The following DNER variants were observed in gnomAD, a reference collection of about 807,000 sequenced individuals.
DNER encodes delta/notch like EGF repeat containing, also known as delta and Notch-like epidermal growth factor-related receptor.
DNER carries 33 observed loss-of-function variants against 78.2 expected under a neutral mutation model. The observed-to-expected ratio is 0.42, with a 90% CI of 0.32 to 0.56. The LOEUF is 0.56. Among genes scored for constraint, DNER ranks in the 20% least tolerant of loss-of-function variants. The probability of loss-of-function intolerance (pLI) is 0.11; values close to 1 mark genes in which losing one functional copy is unlikely to be tolerated. For synonymous variants in DNER, 417 were observed against 384.8 expected (o/e 1.08, Z -0.98); for missense variants, 918 against 975.3 (o/e 0.94, Z 0.78).
chr2:229,458,679 G>A (rs1005534862), intron 7 of DNER, among the ~76,000 whole-genome samples: 1 of 151,556 alleles, frequency 6.6e-6, no homozygotes, highest in South Asian at 2.1e-4. Context: ...ACTCAATGAT[G>A]AAATAATAAA....
rs140542443 is a variant in DNER, at chr2:229,483,911, G to C, written c.1148-6658C>G. ...CCAGAAGGTGACCCATGGGAGTAGG[G>C]CTGCATCCCTGGAGGCCCCTGTTGT... On this transcript the variant is annotated intron_variant, in intron 6 of 12. Transcript: ENST00000341772. Among the ~76,000 whole-genome samples the C allele has an allele frequency of 3.9e-3, 600 of 152,232 alleles. 3 individuals are homozygous for C. Among genetic ancestry groups the C allele is most frequent in the African/African-American group, 0.014 (580 of 41,532 alleles).
chr2:229,680,614 A>C (rs1210569096), intron 1 of DNER, among the ~76,000 whole-genome samples: 2 of 152,210 alleles, frequency 1.3e-5, no homozygotes, highest in Non-Finnish European at 2.9e-5. Context: ...CCCTCACAAA[A>C]GCAGGCAAGC....
At chr2:229,413,312 T>TTTC (rs138821363) in intron 9 of DNER, among the ~76,000 whole-genome samples, 2 of 113,006 alleles carry the variant, frequency 1.8e-5, no homozygotes, top group Non-Finnish European at 3.5e-5. Context: ...TCTTTTTCTT[T>TTTC]TTCTTCTTCT....
chr2:229,563,726 T>TCAA (rs1697024510), intron 4 of DNER, among the ~76,000 whole-genome samples: 1 of 144,692 alleles, frequency 6.9e-6, no homozygotes, highest in African/African-American at 2.6e-5. Context: ...ATCACCATCA[T>TCAA]CATCATCACC....
At chr2:229,641,672 G>C (rs1698627444) in intron 1 of DNER, among the ~76,000 whole-genome samples, 2 of 151,674 alleles carry the variant, frequency 1.3e-5, no homozygotes, top group African/African-American at 4.9e-5. Context: ...TTCATACTGG[G>C]AAAAATGAAG....
chr2:229,634,339 G>A (rs1240680301), intron 1 of DNER, among the ~76,000 whole-genome samples: 1 of 151,932 alleles, frequency 6.6e-6, no homozygotes, highest in African/African-American at 2.4e-5. Flanking sequence ...CTGTGAGGAG[G>A]AAATTGAGAG....
intron 5 of DNER, among the ~76,000 whole-genome samples, chr2:229,537,732 AT>A (rs1190858155): frequency 2.0e-5 from 3 of 152,026 alleles, no homozygotes; most frequent in African/African-American, 7.2e-5. Context: ...TTGGGAGGTC[AT>A]TTTATTTTTC....
intron 12 of DNER, among the ~76,000 whole-genome samples, chr2:229,366,045 A>G (rs1043371092): frequency 7.9e-5 from 12 of 152,198 alleles, no homozygotes; most frequent in African/African-American, 2.9e-4. Flanking sequence ...TGTTCATACC[A>G]TCTTTAATAT....
chr2:229,645,578 G>A (rs929515658), intron 1 of DNER, among the ~76,000 whole-genome samples: 2 of 152,188 alleles, frequency 1.3e-5, no homozygotes, highest in Non-Finnish European at 2.9e-5. Flanking sequence ...TAGGACGACT[G>A]TAATTTATCC....
intron 5 of DNER, among the ~76,000 whole-genome samples, chr2:229,523,209 G>C (rs1383409094): frequency 6.6e-6 from 1 of 152,196 alleles, no homozygotes; most frequent in African/African-American, 2.4e-5. Context: ...CTCTGCTGCT[G>C]TCCTGGTCCC....
At chr2:229,689,666 G>A (rs951149453) in intron 1 of DNER, among the ~76,000 whole-genome samples, 1 of 152,194 alleles carries the variant, frequency 6.6e-6, no homozygotes, top group African/African-American at 2.4e-5. Flanking sequence ...GGGTGCTGGG[G>A]AGTGGGGAGG....
At chr2:229,440,113 A>G (rs1266023178) in intron 8 of DNER, among the ~76,000 whole-genome samples, 5 of 152,182 alleles carry the variant, frequency 3.3e-5, no homozygotes, top group Non-Finnish European at 5.9e-5. Flanking sequence ...TAATATCAGG[A>G]ATCTCATAAA....
At chr2:229,502,794 A>G (rs1695648645) in intron 6 of DNER, among the ~76,000 whole-genome samples, 1 of 152,186 alleles carries the variant, frequency 6.6e-6, no homozygotes, top group Non-Finnish European at 1.5e-5. Flanking sequence ...AACTGAAACA[A>G]TGGTTGCCTG....
At chr2:229,575,561 C>T (rs1165826625) in intron 4 of DNER, among the ~76,000 whole-genome samples, 1 of 152,188 alleles carries the variant, frequency 6.6e-6, no homozygotes, top group Non-Finnish European at 1.5e-5. Context: ...CAGGGATCTT[C>T]CTTTCTAACC....
At chr2:229,557,508 C>T (rs757263293) in intron 4 of DNER, among the ~76,000 whole-genome samples, 1 of 152,184 alleles carries the variant, frequency 6.6e-6, no homozygotes, top group Non-Finnish European at 1.5e-5. Flanking sequence ...TCAACACCTG[C>T]ATTCCCATGG....
chr2:229,627,695 A>G (rs1861617), intron 1 of DNER, among the ~76,000 whole-genome samples: 134,540 of 152,152 alleles, frequency 0.88, 59,723 homozygotes, highest in East Asian at 0.98. Context: ...CAAGACTCCC[A>G]GTAAAAACAA....
intron 8 of DNER, among the ~76,000 whole-genome samples, chr2:229,445,940 G>GA (rs745988667): frequency 6.6e-6 from 1 of 152,150 alleles, no homozygotes; most frequent in African/African-American, 2.4e-5. Flanking sequence ...GAGTCTATGT[G>GA]AAAAAAGGCT....
intron 7 of DNER, among the ~76,000 whole-genome samples, chr2:229,475,062 C>T (rs1223984999): frequency 6.6e-6 from 1 of 152,208 alleles, no homozygotes; most frequent in African/African-American, 2.4e-5. Flanking sequence ...GATGAAATAG[C>T]TACTATGAAT....
rs568002550 is a variant in DNER, at chr2:229,701,936, G to A, written c.276+12212C>T. On this transcript the variant is annotated intron_variant, in intron 1 of 12. Coordinates refer to ENST00000341772, the MANE Select transcript of DNER (RefSeq NM_139072.4). ...AACAGATATAGCCCCAATGGCATGCGGGCCAAACCAGTTGTAGAGACGGGC... is the reference window on the plus strand; with the variant it reads ...AACAGATATAGCCCCAATGGCATGCAGGCCAAACCAGTTGTAGAGACGGGC... The A allele has an allele frequency of 3.0e-4, 49 of 163,482 alleles. No homozygotes were observed. The South Asian group carries it at 5.0e-3, about 17-fold the overall frequency. 10.1% of individuals were successfully genotyped at this position (163,482 alleles called of 1,614,324 possible).
Sources: gnomAD v4.1 joint callset for allele counts (sites outside exome capture counted in the v4.1 genomes callset) on GRCh38, gnomAD v4.1.1 for gene constraint, MANE v1.5 for transcripts, NCBI Gene and HGNC (gene_info 2026-07-23, HGNC 2026-07-21) for gene names.